The following OSBPL8 variants were observed in gnomAD, a reference collection of about 807,000 sequenced individuals.
The protein encoded by OSBPL8 is oxysterol binding protein like 8.
In OSBPL8, 59 loss-of-function variants were observed where a neutral mutation model predicts 125.5. That is an observed-to-expected ratio of 0.47 (90% CI 0.38 to 0.58). OSBPL8 has a LOEUF of 0.58. OSBPL8 is among the 20% of genes least tolerant of loss of function. OSBPL8 has a pLI of 0.00. For synonymous variants in OSBPL8, 330 were observed against 338.9 expected, an observed-to-expected ratio of 0.97 and a Z score of 0.29; for missense variants, 758 against 1,047.8, an observed-to-expected ratio of 0.72 and a Z score of 3.82.
At chr12:76,372,118 A>G (rs1855086994) in intron 18 of OSBPL8, among the ~76,000 whole-genome samples, 1 of 151,968 alleles carries the variant, frequency 6.6e-6, no homozygotes, top group African/African-American at 2.4e-5. Context: ...TACCTTATCT[A>G]TCTAATCTAT....
Position 76,354,439 on chromosome 12 carries a change from C to T in OSBPL8, c.*1450G>A, listed in dbSNP as rs571966245. ...ATTTATTTACCAATCTTGTATTTAT[C>T]ATGGCATAAACGATTATAATTTTAC... On this transcript the variant is annotated 3_prime_UTR_variant, in exon 24 of 24. Transcript: ENST00000261183. The T allele has an allele frequency of 2.0e-5, 3 of 151,906 alleles. No individual in the cohort carries two copies. The East Asian group carries it at 5.8e-4, about 29-fold the overall frequency. 9.4% of individuals were successfully genotyped at this position (151,906 alleles called of 1,614,324 possible).
chr12:76,502,862 A>T (rs1375741631), intron 1 of OSBPL8, among the ~76,000 whole-genome samples: 1 of 152,200 alleles, frequency 6.6e-6, no homozygotes, highest in African/African-American at 2.4e-5. Flanking sequence ...AATTTCTGGG[A>T]TTATTACTTC....
chr12:76,492,176 T>C (rs1395787437), intron 1 of OSBPL8, among the ~76,000 whole-genome samples: 2 of 152,094 alleles, frequency 1.3e-5, no homozygotes, highest in Non-Finnish European at 2.9e-5. Context: ...ATGGCCATAG[T>C]AGGTGTCATT....
At chr12:76,369,594 A>G (rs1353997174) in intron 20 of OSBPL8, 43 bp downstream of exon 20, 2 of 1,558,884 alleles carry the variant, frequency 1.3e-6, no homozygotes, top group Admixed American at 1.7e-5. Context: ...GCAACAAACC[A>G]TGCTAATACA....
chr12:76,551,804 C>T (rs1173347756), intron 1 of OSBPL8, among the ~76,000 whole-genome samples: 4 of 152,302 alleles, frequency 2.6e-5, no homozygotes, highest in Admixed American at 2.0e-4. Flanking sequence ...TCGACTACCT[C>T]GTCTATCCAG....
At chr12:76,420,982 T>C (rs1256840433) in intron 4 of OSBPL8, among the ~76,000 whole-genome samples, 3 of 152,058 alleles carry the variant, frequency 2.0e-5, no homozygotes, top group Admixed American at 6.5e-5. Context: ...CCATCCAAGA[T>C]GGCTTTTAAT....
intron 1 of OSBPL8, among the ~76,000 whole-genome samples, chr12:76,488,489 G>A (rs73385514): frequency 0.16 from 25,059 of 151,976 alleles, 2,413 homozygotes; most frequent in Middle Eastern, 0.25. Flanking sequence ...TAAGTCTATC[G>A]GTACTTTTCC....
chr12:76,460,511 A>AG (rs1200700708), intron 2 of OSBPL8, among the ~76,000 whole-genome samples: 6 of 151,818 alleles, frequency 4.0e-5, no homozygotes, highest in Non-Finnish European at 7.4e-5. Context: ...AAAAAAAAAA[A>AG]AGAGAAACAT....
chr12:76,393,378 G>C (rs551915353), intron 9 of OSBPL8, among the ~76,000 whole-genome samples: 4 of 152,196 alleles, frequency 2.6e-5, no homozygotes, highest in Non-Finnish European at 4.4e-5. Flanking sequence ...GCCAAGTAAA[G>C]CATCTTCATA....
chr12:76,558,982 T>C (rs4761428), intron 1 of OSBPL8, among the ~76,000 whole-genome samples: 121,337 of 152,182 alleles, frequency 0.8, 48,617 homozygotes, highest in East Asian at 0.92. Context: ...GGCACAGCCT[T>C]CTCTGGGGCT....
chr12:76,395,689 G>T (rs1953762371), intron 8 of OSBPL8, among the ~76,000 whole-genome samples: 1 of 152,002 alleles, frequency 6.6e-6, no homozygotes, highest in Admixed American at 6.6e-5. Flanking sequence ...CTCTTTATGT[G>T]TACAATGGGA....
intron 1 of OSBPL8, among the ~76,000 whole-genome samples, chr12:76,524,627 A>G (rs1428254223): frequency 6.6e-6 from 1 of 152,138 alleles, no homozygotes. Flanking sequence ...TTTTTGGCAA[A>G]AAGAAAAAAG....
chr12:76,515,703 T>C (rs574055644), intron 1 of OSBPL8, among the ~76,000 whole-genome samples: 18 of 151,968 alleles, frequency 1.2e-4, no homozygotes, highest in Admixed American at 3.3e-4. Context: ...GCAGGGGAGG[T>C]TCCCCTGCCT....
intron 1 of OSBPL8, among the ~76,000 whole-genome samples, chr12:76,519,911 C>A (rs1296587412): frequency 2.6e-5 from 4 of 152,160 alleles, no homozygotes; most frequent in African/African-American, 9.7e-5. Context: ...GCTCCACTTC[C>A]AACAGTGGGA....
At chr12:76,471,702 A>C (rs1876157275) in intron 2 of OSBPL8, among the ~76,000 whole-genome samples, 1 of 152,222 alleles carries the variant, frequency 6.6e-6, no homozygotes, top group African/African-American at 2.4e-5. Flanking sequence ...CCCATCTTCA[A>C]GGCTCTTCAC....
chr12:76,536,368 A>C (rs1950498534), intron 1 of OSBPL8, among the ~76,000 whole-genome samples: 1 of 146,570 alleles, frequency 6.8e-6, no homozygotes, highest in African/African-American at 2.6e-5. Context: ...TAAAAATACC[A>C]AAAAAAAAAT....
chr12:76,387,438 A>C (rs979919613), intron 12 of OSBPL8, among the ~76,000 whole-genome samples: 3 of 152,254 alleles, frequency 2.0e-5, no homozygotes, highest in African/African-American at 7.2e-5. Context: ...AACCAGAATA[A>C]TGGATAATCA....
At chr12:76,477,971 A>C (rs1419271806) in intron 2 of OSBPL8, among the ~76,000 whole-genome samples, 1 of 152,008 alleles carries the variant, frequency 6.6e-6, no homozygotes, top group African/African-American at 2.4e-5. Flanking sequence ...TGGGAGGCTG[A>C]GGAGGGTGGA....
chr12:76,476,264 A>T (rs1314882174), intron 2 of OSBPL8, among the ~76,000 whole-genome samples: 5 of 152,198 alleles, frequency 3.3e-5, no homozygotes, highest in South Asian at 2.1e-4. Context: ...TCCCAGAAGA[A>T]TATTATTAAG....
Sources: allele counts gnomAD v4.1 joint callset (sites outside exome capture counted in the v4.1 genomes callset), GRCh38; gene constraint gnomAD v4.1.1; transcripts MANE v1.5; gene names NCBI Gene and HGNC (gene_info 2026-07-23, HGNC 2026-07-21).